The following GFOD1 variants were observed in gnomAD, a reference collection of about 807,000 sequenced individuals.
The protein encoded by GFOD1 is Gfo/Idh/MocA-like oxidoreductase domain containing 1.
In GFOD1, 9 loss-of-function variants were observed where a neutral mutation model predicts 25.4. The ratio of observed to expected loss-of-function variants is 0.35; its 90% confidence interval spans 0.21 to 0.62. GFOD1 has a LOEUF of 0.62. GFOD1 is among the 20% of genes least tolerant of loss of function. GFOD1 has a pLI of 0.72. For missense variants in GFOD1, 403 were observed against 556.9 expected, an observed-to-expected ratio of 0.72 and a Z score of 2.78; for synonymous variants, 253 against 245.6, an observed-to-expected ratio of 1.03 and a Z score of -0.28.
chr6:13,395,024 C>T (rs1257436190), intron 1 of GFOD1, among the ~76,000 whole-genome samples: 1 of 152,118 alleles, frequency 6.6e-6, no homozygotes, highest in African/African-American at 2.4e-5. Context: ...CTCAAGGAAT[C>T]CCCCGACTTT....
At chr6:13,379,223 G>A (rs1442538446) in intron 1 of GFOD1, among the ~76,000 whole-genome samples, 1 of 152,180 alleles carries the variant, frequency 6.6e-6, no homozygotes, top group Non-Finnish European at 1.5e-5. Context: ...AGAGATGTGT[G>A]ATTTTGGGGA....
At chr6:13,446,511 G>C (rs534611297) in intron 1 of GFOD1, among the ~76,000 whole-genome samples, 2 of 152,302 alleles carry the variant, frequency 1.3e-5, no homozygotes, top group East Asian at 3.9e-4. Flanking sequence ...TCAGACACAG[G>C]ACATGGTGAA....
chr6:13,376,891 G>T (rs78172791), intron 1 of GFOD1, among the ~76,000 whole-genome samples: 23 of 152,296 alleles, frequency 1.5e-4, no homozygotes, highest in South Asian at 1.2e-3. Flanking sequence ...TATCCTCACT[G>T]TGTGTACAGT....
chr6:13,455,923 T>TA (rs1408572432), intron 1 of GFOD1, among the ~76,000 whole-genome samples: 3 of 152,214 alleles, frequency 2.0e-5, no homozygotes, highest in African/African-American at 7.2e-5. Context: ...GATGGGAGTT[T>TA]ACTAGAGGCA....
intron 1 of GFOD1, among the ~76,000 whole-genome samples, chr6:13,418,281 C>A (rs1786195443): frequency 6.6e-6 from 1 of 152,138 alleles, no homozygotes; most frequent in African/African-American, 2.4e-5. Context: ...AAGGCTGGAA[C>A]TGGAAGAAAC....
intron 1 of GFOD1, among the ~76,000 whole-genome samples, chr6:13,468,860 A>C (rs1273278586): frequency 1.3e-5 from 2 of 151,848 alleles, no homozygotes; most frequent in African/African-American, 4.8e-5. Flanking sequence ...AAAATGACTT[A>C]ATCAAAGCCC....
chr6:13,390,780 A>AGAGAGAGAGGGAGGAAGGAAGGAAGG, intron 1 of GFOD1, among the ~76,000 whole-genome samples: 2 of 117,952 alleles, frequency 1.7e-5, no homozygotes, highest in African/African-American at 6.3e-5. Context: ...AGAGAGAGAG[A>AGAGAGAGAGGGAGGAAGGAAGGAAGG]AAGGAAGGAA....
intron 1 of GFOD1, among the ~76,000 whole-genome samples, chr6:13,427,721 T>C (rs1488146280): frequency 6.6e-6 from 1 of 152,254 alleles, no homozygotes; most frequent in African/African-American, 2.4e-5. Context: ...TTGAGACATC[T>C]ACATTTCACA....
intron 1 of GFOD1, among the ~76,000 whole-genome samples, chr6:13,443,206 T>C (rs939937056): frequency 6.6e-6 from 1 of 152,210 alleles, no homozygotes; most frequent in African/African-American, 2.4e-5. Flanking sequence ...TGTGACTGAA[T>C]TGCTGCAATC....
chr6:13,404,723 T>A (rs1785914394), intron 1 of GFOD1, among the ~76,000 whole-genome samples: 1 of 152,292 alleles, frequency 6.6e-6, no homozygotes, highest in African/African-American at 2.4e-5. Flanking sequence ...TTTAAAGTAA[T>A]GTCATTTCAA....
At chr6:13,405,517 G>A (rs894282696) in intron 1 of GFOD1, among the ~76,000 whole-genome samples, 1 of 152,176 alleles carries the variant, frequency 6.6e-6, no homozygotes, top group African/African-American at 2.4e-5. Flanking sequence ...GCTAGCAAGT[G>A]GCTAGTGACT....
intron 1 of GFOD1, among the ~76,000 whole-genome samples, chr6:13,482,947 A>G (rs1758785443): frequency 6.6e-6 from 1 of 151,068 alleles, no homozygotes; most frequent in Admixed American, 6.6e-5. Context: ...AAATATATGT[A>G]TATATTATGT....
intron 1 of GFOD1, among the ~76,000 whole-genome samples, chr6:13,458,524 G>A (rs1418010703): frequency 6.6e-6 from 1 of 151,956 alleles, no homozygotes; most frequent in African/African-American, 2.4e-5. Context: ...GGTGGAGGAG[G>A]CACACTGACC....
At chr6:13,435,569 A>C (rs1019537838) in intron 1 of GFOD1, among the ~76,000 whole-genome samples, 35 of 152,306 alleles carry the variant, frequency 2.3e-4, no homozygotes, top group African/African-American at 7.0e-4. Flanking sequence ...CCCGCAGTAC[A>C]TCCAAGCAGG....
At chr6:13,461,842 G>T (rs1193160111) in intron 1 of GFOD1, among the ~76,000 whole-genome samples, 1 of 152,188 alleles carries the variant, frequency 6.6e-6, no homozygotes, top group Non-Finnish European at 1.5e-5. Flanking sequence ...GAGGACCAGG[G>T]TTCCCACCTC....
In GFOD1 at chr6:13,395,959, C is replaced by T. The variant is rs565153217; in HGVS notation, c.254-30297G>A. Among the ~76,000 whole-genome samples the T allele has an allele frequency of 9.8e-5, 15 of 152,314 alleles. No homozygotes were observed. In the South Asian group the frequency reaches 1.2e-3, roughly 13 times the overall value. ...GAGCCTGGGATGAGCAGAGGGCAGGCGGAAGGGGATGCAGGAATGTCATCA... is the reference window on the plus strand; with the variant it reads ...GAGCCTGGGATGAGCAGAGGGCAGGTGGAAGGGGATGCAGGAATGTCATCA... On this transcript the variant is annotated intron_variant, in intron 1 of 1. Transcript: ENST00000379287.
intron 1 of GFOD1, among the ~76,000 whole-genome samples, chr6:13,407,693 C>T (rs1004542347): frequency 6.6e-5 from 10 of 152,128 alleles, no homozygotes; most frequent in African/African-American, 2.4e-4. Flanking sequence ...TCATCTTCTG[C>T]CCAGTTCTGA....
intron 1 of GFOD1, among the ~76,000 whole-genome samples, chr6:13,426,841 C>T (rs148640804): frequency 3.3e-5 from 5 of 152,306 alleles, no homozygotes; most frequent in South Asian, 2.1e-4. Flanking sequence ...GTTCTGGCAA[C>T]GGCTGTCAGT....
At position 13,408,809 on chromosome 6, in the gene GFOD1, G is replaced by A. The variant is rs532404646; in HGVS notation, c.254-43147C>T. On this transcript the variant is annotated intron_variant, in intron 1 of 1. Transcript: ENST00000379287. Reference sequence around the variant, plus strand: ...ATTTTCTAAAAATTAACACAGGCCAGTGTGGTGGCTCACGCCTGTAATCCC... The same window carrying A: ...ATTTTCTAAAAATTAACACAGGCCAATGTGGTGGCTCACGCCTGTAATCCC... Among the ~76,000 whole-genome samples the A allele has an allele frequency of 1.2e-4, 18 of 152,192 alleles. No individual in the cohort carries two copies. In the East Asian group the frequency reaches 2.1e-3, roughly 18 times the overall value.
Sources: allele counts gnomAD v4.1 joint callset (sites outside exome capture counted in the v4.1 genomes callset), GRCh38; gene constraint gnomAD v4.1.1; transcripts MANE v1.5; gene names NCBI Gene and HGNC (gene_info 2026-07-23, HGNC 2026-07-21).